FAT4: variants seen among roughly 807,000 people sequenced by gnomAD.
FAT4 encodes protocadherin Fat 4.
Under a neutral mutation model 303.9 loss-of-function variants are expected in FAT4, and 84 were observed. That is an observed-to-expected ratio of 0.28 (90% confidence interval 0.23 to 0.33). The LOEUF is 0.33. Ranked by LOEUF, FAT4 falls within the 10% of genes least tolerant of loss-of-function variation. FAT4 has a pLI of 1.00. For missense variants in FAT4, 6,005 were observed against 6,146.8 expected, an observed-to-expected ratio of 0.98 and a Z score of 0.77; for synonymous variants, 2,307 against 2,298.8, an observed-to-expected ratio of 1.00 and a Z score of -0.10.
At chr4:125,460,581 C>T (rs1726448733) in intron 10 of FAT4, among the ~76,000 whole-genome samples, 1 of 152,036 alleles carries the variant, frequency 6.6e-6, no homozygotes, top group South Asian at 2.1e-4. Context: ...TAATAGCCTC[C>T]AGCTCCATCC....
intron 7 of FAT4, among the ~76,000 whole-genome samples, chr4:125,420,537 T>G (rs552417506): frequency 1.3e-5 from 2 of 152,212 alleles, no homozygotes; most frequent in Non-Finnish European, 2.9e-5. Context: ...AAGAAAAAAG[T>G]GCAAATCATT....
intron 2 of FAT4, among the ~76,000 whole-genome samples, chr4:125,383,900 T>C (rs1382168741): frequency 1.3e-5 from 2 of 152,114 alleles, no homozygotes; most frequent in Non-Finnish European, 2.9e-5. Context: ...GTGACAAAAT[T>C]GTTGGAATAA....
Position 125,440,610 on chromosome 4 carries a change from T to TGTGTGTGTGAGAGAGA in FAT4, c.7200-5682_7200-5681insTGTGTGTGAGAGAGAG, listed in dbSNP as rs372756130. Among the ~76,000 whole-genome samples, 99 of 75,748 alleles carry TGTGTGTGTGAGAGAGA rather than the reference T, an allele frequency of 1.3e-3. 1 individual carries two copies. The highest frequency in any genetic ancestry group is 0.011 in the Middle Eastern group (1 of 92). The allele number at this position is 75,748 out of a possible 152,430, so 49.7% of individuals were successfully genotyped here. A position where few individuals can be genotyped will look rare whatever the true frequency, so the allele number is the denominator to read the frequency against. On this transcript the variant is annotated intron_variant, in intron 8 of 17. Transcript: ENST00000394329. ...GTGTGTGTGTGTGTGTGTGTGTGTGTGAGAGAGAGAGAGAGAGAGAGAGAG... is the reference window on the plus strand; with the variant it reads ...GTGTGTGTGTGTGTGTGTGTGTGTGTGTGTGTGTGAGAGAGAGAGAGAGAGAGAGAGAGAGAGAGAG...
intron 2 of FAT4, among the ~76,000 whole-genome samples, chr4:125,324,958 C>A (rs919335491): frequency 6.6e-6 from 1 of 151,968 alleles, no homozygotes; most frequent in East Asian, 1.9e-4. Flanking sequence ...TACATCTTTA[C>A]AAATCTCTTT....
Position 125,415,080 on chromosome 4 carries a change from T to G in FAT4, c.6117T>G (p.Ile2039Met). ...TCACAAGCACTGCTCAAGTCTCCAT[T>G]ATTTTGTTGGATGTAAATGATAACC... ...SRFTSTAQVS[I>M]ILLDVNDNPP... The change falls in exon 6 of 18, where the codon ATT becomes ATG. Residue 2039 changes from isoleucine (I) to methionine (M), a missense_variant. Coordinates refer to ENST00000394329, the MANE Select transcript of FAT4 (RefSeq NM_001291303.3). The G allele has an allele frequency of 6.2e-7, 1 of 1,614,026 alleles. No individual in the cohort carries two copies. The highest frequency in any genetic ancestry group is 8.5e-7 in the Non-Finnish European group (1 of 1,179,948).
At chr4:125,361,227 G>A (rs1345473040) in intron 2 of FAT4, among the ~76,000 whole-genome samples, 1 of 152,058 alleles carries the variant, frequency 6.6e-6, no homozygotes, top group African/African-American at 2.4e-5. Context: ...ATATATCTCT[G>A]TTCTTTGGGA....
chr4:125,317,398 C>G lies in FAT4; in HGVS notation c.987C>G (p.Gly329=), dbSNP rs201547149. The stretch of plus-strand genomic sequence containing the variant: ...TTACGGTGCAGGCGATGGACAGAGG[C>G]GTGCCTTCCCTCACTGGGCGCGCCG... The part of the protein sequence containing the change: ...YSLTVQAMDR[G]VPSLTGRAEA... Residue 329 remains glycine, a synonymous_variant, in exon 2 of 18, where the codon GGC becomes GGG. Transcript: ENST00000394329. This position sits in a 1 kb window ranked among gnomAD's most constrained non-coding sequence, Gnocchi z 7.0. 7.0e-5 allele frequency: 113 copies of G among 1,613,392 alleles called. No homozygotes were observed. Among genetic ancestry groups the G allele is most frequent in the Non-Finnish European group, 9.1e-5 (107 of 1,180,044 alleles).
chr4:125,319,470 C>T lies in FAT4; in HGVS notation c.3059C>T (p.Ala1020Val), dbSNP rs967633574. The T allele has an allele frequency of 4.3e-6, 7 of 1,613,440 alleles. No individual in the cohort carries two copies. The African/African-American group carries it at 6.7e-5, about 15-fold the overall frequency. The change falls in exon 2 of 18, where the codon GCT becomes GTT. Residue 1020 changes from alanine (A) to valine (V), a missense_variant. Coordinates refer to ENST00000394329, the MANE Select transcript of FAT4 (RefSeq NM_001291303.3). ...PVNSRFFKVQ[A>V]SDKDSGANGE... Reference sequence around the variant, plus strand: ...AATTCTCGATTCTTTAAAGTACAAGCTTCTGATAAGGATTCAGGAGCAAAT... The same window carrying T: ...AATTCTCGATTCTTTAAAGTACAAGTTTCTGATAAGGATTCAGGAGCAAAT...
rs147840621 is a variant in FAT4 at position 125,486,725 on chromosome 4, A to C, written c.12823-620A>C. On this transcript the variant is annotated intron_variant, in intron 16 of 17. Transcript: ENST00000394329. ...ATATCCTTTAGATAAATTGTAAAAG[A>C]CAGCCAAAGTGAAGGCTTGCCCAGA... 9.4e-4 allele frequency among the ~76,000 whole-genome samples: 143 copies of C among 152,350 alleles called. 2 individuals carry two copies. In the East Asian group the frequency reaches 0.017, roughly 18 times the overall value.
intron 2 of FAT4, among the ~76,000 whole-genome samples, chr4:125,394,778 AT>A (rs1474325462): frequency 5.9e-5 from 9 of 152,196 alleles, no homozygotes; most frequent in Non-Finnish European, 1.2e-4. Context: ...ATCAAGATAA[AT>A]AGTAACACCA....
intron 16 of FAT4, among the ~76,000 whole-genome samples, chr4:125,484,574 G>A (rs896218255): frequency 3.3e-5 from 5 of 152,096 alleles, no homozygotes; most frequent in Non-Finnish European, 5.9e-5. Flanking sequence ...GTCATGAGTT[G>A]CATAATGACA....
intron 11 of FAT4, among the ~76,000 whole-genome samples, chr4:125,464,282 A>G (rs1726581542): frequency 6.6e-6 from 1 of 152,066 alleles, no homozygotes; most frequent in African/African-American, 2.4e-5. Context: ...ATACATATTT[A>G]TTCACCCTAG....
At chr4:125,390,807 G>C (rs17009579) in intron 2 of FAT4, among the ~76,000 whole-genome samples, 5,865 of 152,216 alleles carry the variant, frequency 0.039, 376 homozygotes, top group African/African-American at 0.13. Flanking sequence ...TCCTAAGTGG[G>C]AGATATTCTG....
At chr4:125,388,002 C>T (rs1733826471) in intron 2 of FAT4, among the ~76,000 whole-genome samples, 1 of 152,186 alleles carries the variant, frequency 6.6e-6, no homozygotes, top group Admixed American at 6.5e-5. Context: ...CTAGACTCAA[C>T]TAGGAAGCTT....
At chr4:125,355,327 C>T (rs1465192770) in intron 2 of FAT4, among the ~76,000 whole-genome samples, 1 of 151,850 alleles carries the variant, frequency 6.6e-6, no homozygotes, top group Non-Finnish European at 1.5e-5. Flanking sequence ...TTTGGATATC[C>T]TCCACATATT....
At chr4:125,474,576 G>C (rs1249771012) in intron 12 of FAT4, among the ~76,000 whole-genome samples, 2 of 151,686 alleles carry the variant, frequency 1.3e-5, no homozygotes, top group Non-Finnish European at 2.9e-5. Context: ...GCTCACAAGA[G>C]TTTACTGTAT....
chr4:125,454,964 A>G (rs1306699875), intron 10 of FAT4, among the ~76,000 whole-genome samples: 1 of 152,176 alleles, frequency 6.6e-6, no homozygotes, highest in African/African-American at 2.4e-5. Context: ...TTAAAAAGAC[A>G]TGAAACCTGT....
intron 7 of FAT4, among the ~76,000 whole-genome samples, chr4:125,418,706 G>A (rs1445101439): frequency 6.6e-6 from 1 of 152,056 alleles, no homozygotes; most frequent in Non-Finnish European, 1.5e-5. Flanking sequence ...TATTTCTTCT[G>A]GAAATATTTA....
chr4:125,453,094 T>A (rs1295998801), intron 10 of FAT4, among the ~76,000 whole-genome samples: 1 of 152,202 alleles, frequency 6.6e-6, no homozygotes. Context: ...GGTGATTCAG[T>A]TACTTTGCTG....
Sources: allele counts gnomAD v4.1 joint callset (sites outside exome capture counted in the v4.1 genomes callset), GRCh38; gene constraint gnomAD v4.1.1; non-coding constraint Gnocchi (gnomAD v3.1); transcripts MANE v1.5; gene names NCBI Gene and HGNC (gene_info 2026-07-23, HGNC 2026-07-21).